NR2F1-AS1: variants seen among roughly 807,000 people sequenced by gnomAD.
The protein encoded by NR2F1-AS1 is NR2F1 antisense RNA 1.
intron 4 of NR2F1-AS1, among the ~76,000 whole-genome samples, chr5:93,472,595 CT>C (rs1417227645): frequency 1.3e-5 from 2 of 151,676 alleles, no homozygotes; most frequent in Non-Finnish European, 3.0e-5. Context: ...ACATTTCAGA[CT>C]ACTAATCATT....
intron 4 of NR2F1-AS1, among the ~76,000 whole-genome samples, chr5:93,454,776 C>A (rs1167409037): frequency 6.6e-6 from 1 of 152,084 alleles, no homozygotes; most frequent in African/African-American, 2.4e-5. Flanking sequence ...CATGATGAAA[C>A]CTCCATAACA....
At chr5:93,440,815 AG>A (rs1340524752) in intron 4 of NR2F1-AS1, among the ~76,000 whole-genome samples, 2 of 152,178 alleles carry the variant, frequency 1.3e-5, no homozygotes, top group African/African-American at 4.8e-5. Context: ...AGCTTTCATG[AG>A]GAAAAATAAA....
intron 4 of NR2F1-AS1, among the ~76,000 whole-genome samples, chr5:93,454,863 G>A (rs1246305160): frequency 6.6e-6 from 1 of 152,088 alleles, no homozygotes; most frequent in African/African-American, 2.4e-5. Flanking sequence ...CACCCTGAGA[G>A]GCCATGGAAG....
chr5:93,508,726 T>A (rs1751236507), intron 4 of NR2F1-AS1, among the ~76,000 whole-genome samples: 1 of 151,312 alleles, frequency 6.6e-6, no homozygotes. Context: ...TATAAAAAAA[T>A]GAAATAAAAA....
chr5:93,583,297 T>C (rs1161122725), upstream of NR2F1-AS1: 4 of 142,680 alleles, frequency 2.8e-5, no homozygotes, highest in Admixed American at 2.2e-4. Flanking sequence ...CTCTCTCTCT[T>C]CTTCTCTTCT....
upstream of NR2F1-AS1, chr5:93,581,361 G>T (rs1314391240): frequency 6.6e-6 from 1 of 152,202 alleles, no homozygotes; most frequent in Non-Finnish European, 1.5e-5. Flanking sequence ...AAACGAGGGG[G>T]GTGCGAGTAT....
At chr5:93,493,801 T>G (rs1179959530) in intron 4 of NR2F1-AS1, among the ~76,000 whole-genome samples, 1 of 151,482 alleles carries the variant, frequency 6.6e-6, no homozygotes, top group East Asian at 1.9e-4. Context: ...CCACAAACAA[T>G]AAAGTTGGAC....
intron 4 of NR2F1-AS1, among the ~76,000 whole-genome samples, chr5:93,477,086 T>C (rs539170480): frequency 6.2e-4 from 95 of 152,272 alleles, no homozygotes; most frequent in African/African-American, 2.2e-3. Flanking sequence ...TGGGAATACT[T>C]TGCATTGTAT....
At chr5:93,570,408 G>GTTCCT (rs1486992521) in intron 1 of NR2F1-AS1, 2 of 152,580 alleles carry the variant, frequency 1.3e-5, no homozygotes, top group African/African-American at 4.8e-5. Flanking sequence ...AGCGGCGGGG[G>GTTCCT]AGGAAAGAGG....
chr5:93,497,289 CTG>C (rs1043641959), intron 4 of NR2F1-AS1, among the ~76,000 whole-genome samples: 5 of 152,134 alleles, frequency 3.3e-5, no homozygotes, highest in African/African-American at 4.8e-5. Context: ...AGATATTACG[CTG>C]TGTTTGTTTA....
chr5:93,462,915 G>A (rs1750129824), intron 4 of NR2F1-AS1, among the ~76,000 whole-genome samples: 1 of 152,096 alleles, frequency 6.6e-6, no homozygotes, highest in African/African-American at 2.4e-5. Flanking sequence ...GTTTTAAAAG[G>A]GAAACAGAGC....
At chr5:93,471,933 C>T (rs1750373959) in intron 4 of NR2F1-AS1, among the ~76,000 whole-genome samples, 1 of 151,782 alleles carries the variant, frequency 6.6e-6, no homozygotes, top group Admixed American at 6.6e-5. Flanking sequence ...GTTAATACAA[C>T]AAAACCGCTT....
At chr5:93,526,042 C>T (rs947899915) in intron 4 of NR2F1-AS1, among the ~76,000 whole-genome samples, 1 of 152,022 alleles carries the variant, frequency 6.6e-6, no homozygotes, top group African/African-American at 2.4e-5. Flanking sequence ...CAAAAAAACC[C>T]TTCAAAAAAT....
chr5:93,479,717 G>C (rs925556208), intron 4 of NR2F1-AS1, among the ~76,000 whole-genome samples: 5 of 152,040 alleles, frequency 3.3e-5, no homozygotes, highest in African/African-American at 1.2e-4. Context: ...AATTTACTAA[G>C]CAAAGACTTT....
At chr5:93,497,754 G>T (rs186689596) in intron 4 of NR2F1-AS1, among the ~76,000 whole-genome samples, 1 of 152,096 alleles carries the variant, frequency 6.6e-6, no homozygotes, top group Non-Finnish European at 1.5e-5. Context: ...GAAGAAAAAC[G>T]ATGGCAAATG....
At chr5:93,444,320 G>GAC (rs942794309) in intron 4 of NR2F1-AS1, among the ~76,000 whole-genome samples, 2 of 152,230 alleles carry the variant, frequency 1.3e-5, no homozygotes, top group African/African-American at 4.8e-5. Context: ...CAGGTGCAGA[G>GAC]ACACACACAG....
chr5:93,445,025 AG>A (rs1318048169), intron 4 of NR2F1-AS1, among the ~76,000 whole-genome samples: 4 of 152,242 alleles, frequency 2.6e-5, no homozygotes, highest in African/African-American at 9.6e-5. Flanking sequence ...AAAACATACC[AG>A]AATCTCTGGG....
At chr5:93,540,293 G>A (rs2149905149) in intron 4 of NR2F1-AS1, among the ~76,000 whole-genome samples, 1 of 152,302 alleles carries the variant, frequency 6.6e-6, no homozygotes, top group Admixed American at 6.5e-5. Flanking sequence ...TGTCTGATGA[G>A]TGTCTGTCAC....
At chr5:93,459,221 A>AATTCAATATTTGAAAT (rs1297452274) in intron 4 of NR2F1-AS1, among the ~76,000 whole-genome samples, 1 of 152,210 alleles carries the variant, frequency 6.6e-6, no homozygotes. Flanking sequence ...TATTTCAGAT[A>AATTCAATATTTGAAAT]ATTCAATATT....
Sources: allele counts gnomAD v4.1 joint callset (sites outside exome capture counted in the v4.1 genomes callset), GRCh38; gene constraint gnomAD v4.1.1; transcripts MANE v1.5; gene names NCBI Gene and HGNC (gene_info 2026-07-23, HGNC 2026-07-21).